Variants in BICDL1 observed in about 807,000 individuals in gnomAD.
The protein encoded by BICDL1 is BICD family-like cargo adapter 1.
A neutral mutation model predicts 76.8 loss-of-function variants in BICDL1; 20 were observed. That is an observed-to-expected ratio of 0.26 (90% CI 0.18 to 0.38). The LOEUF (loss-of-function observed/expected upper bound fraction) is 0.38. BICDL1 is among the 10% of genes least tolerant of loss of function. The pLI, the probability that BICDL1 is intolerant of heterozygous loss-of-function variation, is 1.00. For missense variants in BICDL1, 700 were observed against 798.6 expected (o/e 0.88, Z 1.49); for synonymous variants, 383 against 337.1 (o/e 1.14, Z -1.49).
chr12:120,078,306 C>G (rs1158321707), intron 7 of BICDL1, among the ~76,000 whole-genome samples: 1 of 152,232 alleles, frequency 6.6e-6, no homozygotes, highest in Non-Finnish European at 1.5e-5. Context: ...CCTAAAGCAG[C>G]TAGTACAGTG....
At chr12:120,045,884 C>T (rs1175209572) in intron 2 of BICDL1, among the ~76,000 whole-genome samples, 1 of 148,194 alleles carries the variant, frequency 6.7e-6, no homozygotes, top group Non-Finnish European at 1.5e-5. Context: ...CTAACCTGCA[C>T]ATTGTGCACA....
chr12:120,017,705 C>G (rs1952094420), intron 2 of BICDL1, among the ~76,000 whole-genome samples: 1 of 151,734 alleles, frequency 6.6e-6, no homozygotes, highest in South Asian at 2.1e-4. Context: ...GTACTCCAGC[C>G]TGGGTGACAC....
intron 2 of BICDL1, among the ~76,000 whole-genome samples, chr12:120,059,924 G>A (rs1435964362): frequency 6.6e-6 from 1 of 152,088 alleles, no homozygotes; most frequent in Admixed American, 6.6e-5. Flanking sequence ...TGTTGGCCAG[G>A]CTGGTCTCAA....
Position 120,074,543 on chromosome 12 carries a change from A to G in BICDL1, c.1409A>G (p.Lys470Arg). 7.9e-7 allele frequency: 1 copy of G among 1,273,162 alleles called. No homozygotes were observed. Among genetic ancestry groups the G allele is most frequent in the Non-Finnish European group, 1.0e-6 (1 of 980,370 alleles). 78.9% of individuals were successfully genotyped at this position (1,273,162 alleles called of 1,614,324 possible). ...LRELMEGERG[K>R]LRQSLEELQR... ...GAGCTCATGGAGGGAGAGAGGGGTAAACTGAGGCAAAGCCTAGAAGAGCTG... is the reference window on the plus strand; with the variant it reads ...GAGCTCATGGAGGGAGAGAGGGGTAGACTGAGGCAAAGCCTAGAAGAGCTG... The change falls in exon 7 of 10, where the codon AAA (lysine) becomes AGA (arginine). Residue 470 changes from lysine (K) to arginine (R), a missense_variant. Transcript: ENST00000548673.
At chr12:120,024,612 G>A (rs1439201502) in intron 2 of BICDL1, among the ~76,000 whole-genome samples, 1 of 152,196 alleles carries the variant, frequency 6.6e-6, no homozygotes, top group Non-Finnish European at 1.5e-5. Flanking sequence ...ATTTATCTAA[G>A]TTTATTGCTT....
At chr12:120,004,085 G>A (rs748678125) in intron 2 of BICDL1, among the ~76,000 whole-genome samples, 2 of 152,206 alleles carry the variant, frequency 1.3e-5, no homozygotes, top group Admixed American at 6.5e-5. Context: ...AGAGCCTCAC[G>A]TAGGATATAT....
intron 6 of BICDL1, among the ~76,000 whole-genome samples, chr12:120,073,335 C>A (rs755235802): frequency 1.6e-4 from 24 of 152,220 alleles, no homozygotes; most frequent in Non-Finnish European, 2.4e-4. Flanking sequence ...AAGGGCTTTC[C>A]TTGGAAACTT....
chr12:120,063,995 G>T (rs1052883069), intron 3 of BICDL1, among the ~76,000 whole-genome samples: 1 of 152,202 alleles, frequency 6.6e-6, no homozygotes, highest in African/African-American at 2.4e-5. Context: ...ATTTACTTAT[G>T]TGGAGACTGA....
chr12:120,074,625 C>G, intron 7 of BICDL1, 39 bp downstream of exon 7: 1 of 1,064,132 alleles, frequency 9.4e-7, no homozygotes, highest in South Asian at 2.4e-5. Context: ...AGGGCATGTG[C>G]ACCTGCCCCT....
At chr12:120,074,010 C>T (rs546824589) in intron 6 of BICDL1, among the ~76,000 whole-genome samples, 2 of 152,310 alleles carry the variant, frequency 1.3e-5, no homozygotes, top group East Asian at 1.9e-4. Flanking sequence ...ACCTCTGCCT[C>T]CCGGGTTCAC....
intron 9 of BICDL1, chr12:120,092,260 G>A (rs930917114): frequency 1.8e-4 from 179 of 985,338 alleles, no homozygotes; most frequent in Non-Finnish European, 2.1e-4. Flanking sequence ...AACATGGTGG[G>A]GCGGGCTGTG....
At chr12:120,084,089 G>A (rs746864638) in intron 8 of BICDL1, among the ~76,000 whole-genome samples, 5 of 151,334 alleles carry the variant, frequency 3.3e-5, no homozygotes, top group Admixed American at 6.6e-5. Context: ...TGCAAACTCC[G>A]CCTCCCAGGT....
intron 2 of BICDL1, among the ~76,000 whole-genome samples, chr12:120,030,907 C>A (rs1952409636): frequency 6.6e-6 from 1 of 152,148 alleles, no homozygotes; most frequent in Admixed American, 6.5e-5. Context: ...GTTTTGGCCT[C>A]AGAGGATCAG....
intron 8 of BICDL1, among the ~76,000 whole-genome samples, chr12:120,082,758 G>A (rs1874092255): frequency 1.3e-5 from 2 of 151,608 alleles, no homozygotes; most frequent in South Asian, 4.2e-4. Flanking sequence ...TTGTAGATAC[G>A]GGTTTTCACC....
At chr12:120,041,136 A>G (rs1009921784) in intron 2 of BICDL1, among the ~76,000 whole-genome samples, 2 of 152,214 alleles carry the variant, frequency 1.3e-5, no homozygotes, top group African/African-American at 4.8e-5. Flanking sequence ...AATAGTTTGT[A>G]TAAAGTGGAT....
At chr12:120,003,205 GACA>G (rs1195061390) in intron 2 of BICDL1, among the ~76,000 whole-genome samples, 3 of 150,786 alleles carry the variant, frequency 2.0e-5, no homozygotes, top group Non-Finnish European at 4.4e-5. Context: ...TCTGTGGGGA[GACA>G]ACATCTGAGA....
At chr12:119,995,272 T>A (rs973245572) in intron 1 of BICDL1, among the ~76,000 whole-genome samples, 3 of 152,152 alleles carry the variant, frequency 2.0e-5, no homozygotes, top group African/African-American at 7.2e-5. Flanking sequence ...GATGCTAAAT[T>A]CTGTACAAAA....
intron 8 of BICDL1, 139 bp from the exon 9 acceptor site, chr12:120,089,812 T>G: frequency 3.0e-6 from 3 of 984,902 alleles, no homozygotes; most frequent in Non-Finnish European, 4.5e-6. Context: ...AACATCATAG[T>G]TATTGTTGCA....
At chr12:120,061,958 T>C in intron 3 of BICDL1, 132 bp downstream of exon 3, 1 of 646,810 alleles carries the variant, frequency 1.5e-6, no homozygotes, top group Non-Finnish European at 2.8e-6. Context: ...TGGGAAACAT[T>C]TGATCTGTTT....
Sources: allele counts gnomAD v4.1 joint callset (sites outside exome capture counted in the v4.1 genomes callset), GRCh38; gene constraint gnomAD v4.1.1; transcripts MANE v1.5; gene names NCBI Gene and HGNC (gene_info 2026-07-23, HGNC 2026-07-21).